Variants in VPS13B observed in about 807,000 individuals in gnomAD.
VPS13B encodes intermembrane lipid transfer protein VPS13B.
Under a neutral mutation model 426.4 loss-of-function variants are expected in VPS13B, and 285 were observed. The observed-to-expected ratio is 0.67, with a 90% confidence interval of 0.61 to 0.74. The LOEUF (loss-of-function observed/expected upper bound fraction) is 0.74. Ranked by LOEUF, VPS13B falls within the 30% of genes least tolerant of loss-of-function variation. The probability of loss-of-function intolerance (pLI) is 0.00; values close to 1 mark genes in which losing one functional copy is unlikely to be tolerated. For missense variants in VPS13B, 4,537 were observed against 4,782.6 expected, an observed-to-expected ratio of 0.95 and a Z score of 1.51; for synonymous variants, 1,676 against 1,676.4, an observed-to-expected ratio of 1.00 and a Z score of 0.01.
At chr8:99,766,750 TA>T (rs1811248057) in intron 39 of VPS13B, 23 bp from the exon 40 acceptor site, 1 of 1,602,500 alleles carries the variant, frequency 6.2e-7, no homozygotes, top group South Asian at 1.1e-5. Context: ...TTGCAACTTC[TA>T]AATTTTTTTT....
rs749201575 is a variant in VPS13B at position 99,642,053 on chromosome 8, C to A, written c.5463C>A (p.Ile1821=). 3.1e-6 allele frequency: 5 copies of A among 1,613,962 alleles called. No individual in the cohort carries two copies. Among genetic ancestry groups the A allele is most frequent in the Non-Finnish European group, 4.2e-6 (5 of 1,180,008 alleles). The change falls in exon 34 of 62, where the codon ATC becomes ATA. Residue 1821 remains isoleucine, a synonymous_variant. Transcript: ENST00000357162. ...ACATATTTATTACTGCAAGTAGAAT[C>A]TCACTAATGACCTATTCCTGTATGG... ...PFDIFITASR[I]SLMTYSCMAL...
At chr8:99,737,871 T>A (rs1239255894) in intron 39 of VPS13B, among the ~76,000 whole-genome samples, 1 of 152,268 alleles carries the variant, frequency 6.6e-6, no homozygotes, top group Non-Finnish European at 1.5e-5. Flanking sequence ...TGTTAACAGT[T>A]CTCTTGTATC....
chr8:99,566,445 C>CTT (rs113218273), intron 31 of VPS13B, among the ~76,000 whole-genome samples: 2 of 145,536 alleles, frequency 1.4e-5, no homozygotes, highest in Admixed American at 6.8e-5. Flanking sequence ...TTTTCTTCTT[C>CTT]TTTTTTTTTT....
At chr8:99,207,504 G>A (rs1814798622) in intron 17 of VPS13B, among the ~76,000 whole-genome samples, 1 of 152,130 alleles carries the variant, frequency 6.6e-6, no homozygotes, top group African/African-American at 2.4e-5. Flanking sequence ...AATATATAAA[G>A]TGTAAGTGTA....
chr8:99,478,446 T>G, intron 24 of VPS13B, among the ~76,000 whole-genome samples: 1 of 65,848 alleles, frequency 1.5e-5, no homozygotes, highest in Non-Finnish European at 2.8e-5. Flanking sequence ...TTTTTTGTTT[T>G]GTTTTTTTTT....
intron 3 of VPS13B, among the ~76,000 whole-genome samples, chr8:99,083,050 G>A (rs1478636756): frequency 1.3e-5 from 2 of 152,058 alleles, no homozygotes; most frequent in Non-Finnish European, 2.9e-5. Context: ...AATTACCTTG[G>A]GCAGTATGGC....
At chr8:99,622,544 T>A (rs1021102889) in intron 33 of VPS13B, among the ~76,000 whole-genome samples, 7 of 152,200 alleles carry the variant, frequency 4.6e-5, no homozygotes, top group African/African-American at 1.7e-4. Context: ...GCAACACAAT[T>A]TTAGATTGCC....
chr8:99,685,081 A>G (rs2084555), intron 35 of VPS13B, among the ~76,000 whole-genome samples: 10,536 of 152,292 alleles, frequency 0.069, 529 homozygotes, highest in African/African-American at 0.14. Context: ...GATTACAGGT[A>G]TGAGCCACCG....
Position 99,556,553 on chromosome 8 carries a change from C to T in VPS13B, c.4849C>T (p.His1617Tyr), listed in dbSNP as rs1212741771. The change falls in exon 31 of 62, where the codon CAT becomes TAT. Residue 1617 changes from histidine to tyrosine, a missense_variant. This residue lies in a region of VPS13B where 4,311 missense variants were observed against 4,474.3 expected (regional missense o/e 0.96). Transcript: ENST00000357162. ...QSINIGTAQW[H>Y]QLKPEKESVS... is the part of the protein sequence containing the mutation. The stretch of plus-strand genomic sequence containing the variant: ...CATCAATATTGGTACTGCACAGTGG[C>T]ATCAACTAAAACCAGAGAAGGAAAG... The T allele has an allele frequency of 6.2e-7, 1 of 1,613,164 alleles. No homozygotes were observed. The highest frequency in any genetic ancestry group is 1.3e-5 in the African/African-American group (1 of 74,844).
rs879220906 is a variant in VPS13B at position 99,148,010 on chromosome 8, G to A, written c.2013G>A (p.Lys671=). 1 of 1,609,234 alleles carries A rather than the reference G, an allele frequency of 6.2e-7. No homozygotes were observed. ...DHLLPVIMGE[K]NSSNFMNTTN... is the part of the protein sequence containing the mutation. The stretch of plus-strand genomic sequence containing the variant: ...TACTACCTGTCATTATGGGAGAAAA[G>A]GTATATTTTGTGATTTGCTATATTT... The change falls in exon 14 of 62, where the codon AAG becomes AAA. Residue 671 remains lysine, a splice_region_variant and synonymous_variant. Coordinates refer to ENST00000357162, the MANE Select transcript of VPS13B (RefSeq NM_152564.5).
chr8:99,470,200 A>T (rs576985370), intron 24 of VPS13B, among the ~76,000 whole-genome samples: 1 of 152,290 alleles, frequency 6.6e-6, no homozygotes, highest in South Asian at 2.1e-4. Context: ...AAAAAGGAAA[A>T]CATAAGATAT....
chr8:99,459,001 A>G (rs1419890330), intron 23 of VPS13B, among the ~76,000 whole-genome samples: 2 of 152,152 alleles, frequency 1.3e-5, no homozygotes, highest in African/African-American at 2.4e-5. Context: ...GCCCATGCCC[A>G]TGTCCTGAAT....
chr8:99,737,593 C>T (rs944308190), intron 39 of VPS13B, among the ~76,000 whole-genome samples: 6 of 152,258 alleles, frequency 3.9e-5, no homozygotes, highest in African/African-American at 1.2e-4. Context: ...ATTACCTGTA[C>T]TATTAGTTAA....
At chr8:99,130,816 A>T (rs943649276) in intron 8 of VPS13B, among the ~76,000 whole-genome samples, 2 of 152,216 alleles carry the variant, frequency 1.3e-5, no homozygotes, top group East Asian at 3.8e-4. Context: ...AAATAGCTAC[A>T]TTGTATATAT....
At chr8:99,568,972 C>A (rs547735647) in intron 31 of VPS13B, among the ~76,000 whole-genome samples, 1 of 151,750 alleles carries the variant, frequency 6.6e-6, no homozygotes, top group East Asian at 1.9e-4. Context: ...CCACCACGCC[C>A]GGCTAATTTT....
intron 19 of VPS13B, among the ~76,000 whole-genome samples, chr8:99,333,719 A>G (rs1473160934): frequency 6.6e-6 from 1 of 151,834 alleles, no homozygotes; most frequent in Non-Finnish European, 1.5e-5. Context: ...ATCTACTAAT[A>G]TCTCTATGTC....
At chr8:99,639,365 C>G (rs540714795) in intron 33 of VPS13B, among the ~76,000 whole-genome samples, 69 of 152,118 alleles carry the variant, frequency 4.5e-4, no homozygotes, top group African/African-American at 1.5e-3. Flanking sequence ...TGATGGATAA[C>G]TAAATGTTCA....
intron 3 of VPS13B, 102 bp from the exon 4 acceptor site, chr8:99,096,210 A>G: frequency 7.6e-7 from 1 of 1,319,604 alleles, no homozygotes. Context: ...TGTTGATCTT[A>G]TCTCCTGTAG....
intron 20 of VPS13B, 25 bp from the exon 21 acceptor site, chr8:99,391,532 A>G (rs776644497): frequency 1.2e-6 from 2 of 1,614,058 alleles, no homozygotes; most frequent in Admixed American, 1.7e-5. Context: ...AAAACTAAAA[A>G]GGTTTTCATT....
Sources: gnomAD v4.1 joint callset for allele counts (sites outside exome capture counted in the v4.1 genomes callset) on GRCh38, gnomAD v4.1.1 for gene constraint, gnomAD v4.1.1 regional missense constraint, MANE v1.5 for transcripts, NCBI Gene and HGNC (gene_info 2026-07-23, HGNC 2026-07-21) for gene names.